Variants in GPR161 observed in about 807,000 individuals in gnomAD.
GPR161 encodes the protein G-protein coupled receptor RE2.
A neutral mutation model predicts 39.2 loss-of-function variants in GPR161; 25 were observed. That is an observed-to-expected ratio of 0.64 (90% CI 0.47 to 0.89). GPR161 has a LOEUF of 0.89. Ranked by LOEUF, GPR161 falls within the 40% of genes least tolerant of loss-of-function variation. The probability of loss-of-function intolerance (pLI) is 0.00; values close to 1 mark genes in which losing one functional copy is unlikely to be tolerated. For missense variants in GPR161, 547 were observed against 677.8 expected, an observed-to-expected ratio of 0.81 and a Z score of 2.14; for synonymous variants, 286 against 276.6, an observed-to-expected ratio of 1.03 and a Z score of -0.34.
In GPR161 at chr1:168,119,208, ATG is replaced by A. The variant is rs1553269043; in HGVS notation, c.-44-14316_-44-14315del. On this transcript the variant is annotated intron_variant, in intron 1 of 5. Transcript: ENST00000682931. ...CCAAATCTCCATCATATATATATAT[ATG>A]TATACATATATATATACGTATATAT... Among the ~76,000 whole-genome samples, 203 of 111,502 alleles carry A rather than the reference ATG, an allele frequency of 1.8e-3. 17 individuals carry two copies. In the South Asian group the frequency reaches 0.02, roughly 11 times the overall value. The allele number at this position is 111,502 out of a possible 152,430, so 73.1% of individuals were successfully genotyped here.
chr1:168,133,373 A>T (rs1699144339), intron 1 of GPR161, among the ~76,000 whole-genome samples: 1 of 152,198 alleles, frequency 6.6e-6, no homozygotes, highest in South Asian at 2.1e-4. Context: ...TCCAGGAACA[A>T]TTTTTACCCA....
At chr1:168,109,910 G>A (rs1330956489) in intron 1 of GPR161, among the ~76,000 whole-genome samples, 1 of 152,136 alleles carries the variant, frequency 6.6e-6, no homozygotes, top group Non-Finnish European at 1.5e-5. Flanking sequence ...AGGTTGCAAT[G>A]AGCCGAGATC....
In GPR161 at chr1:168,085,780, C is replaced by A; in HGVS notation, c.1341G>T (p.Ser447=). The A allele has an allele frequency of 6.2e-7, 1 of 1,611,904 alleles. No individual in the cohort carries two copies. The highest frequency in any genetic ancestry group is 2.2e-5 in the East Asian group (1 of 44,828). ...GTACTTCAGCTTTCACATGAAGAAT[C>A]GAGTTCTTGGCAGCTTCTGAGGGAG... The part of the protein sequence containing the change: ...VEQIKEAAKN[S]ILHVKAEVHK... Residue 447 remains serine, a synonymous_variant, in exon 6 of 6, where the codon TCG becomes TCT. Transcript: ENST00000682931.
At chr1:168,095,487 A>T (rs189018729) in intron 3 of GPR161, among the ~76,000 whole-genome samples, 1 of 152,348 alleles carries the variant, frequency 6.6e-6, no homozygotes, top group Admixed American at 6.5e-5. Flanking sequence ...TTTAACAAAA[A>T]ATCTAACCCC....
upstream of GPR161, chr1:168,137,659 A>T: frequency 1.8e-6 from 1 of 568,430 alleles, no homozygotes; most frequent in Non-Finnish European, 3.1e-6. Context: ...CTCACTCCCC[A>T]CTTTGCCTGC....
At position 168,085,232 on chromosome 1, in the gene GPR161, A is replaced by G. The variant is rs1694365383; in HGVS notation, c.*299T>C. 2.1e-6 allele frequency: 1 copy of G among 469,520 alleles called. No homozygotes were observed. Among genetic ancestry groups the G allele is most frequent in the African/African-American group, 2.0e-5 (1 of 50,638 alleles). The allele number at this position is 469,520 out of a possible 1,614,324, so 29.1% of individuals were successfully genotyped here. On this transcript the variant is annotated 3_prime_UTR_variant, in exon 6 of 6. Transcript: ENST00000682931. ...CTGGTCCTCCCATGCCCCACCTCCC[A>G]AAAAGCCACAGCCACATCTCTAGAT...
At chr1:168,100,885 T>G (rs112983945) in intron 2 of GPR161, among the ~76,000 whole-genome samples, 3 of 152,166 alleles carry the variant, frequency 2.0e-5, no homozygotes, top group Non-Finnish European at 2.9e-5. Context: ...GCAGCGATGA[T>G]AGAGGTGACC....
intron 4 of GPR161, among the ~76,000 whole-genome samples, chr1:168,090,017 C>T (rs1694900443): frequency 6.6e-6 from 1 of 152,208 alleles, no homozygotes; most frequent in South Asian, 2.1e-4. Context: ...GCCAGCTGAC[C>T]TTGCTGGAGG....
chr1:168,136,683 A>C, intron 1 of GPR161, 56 bp downstream of exon 1: 23 of 1,109,328 alleles, frequency 2.1e-5, no homozygotes, highest in African/African-American at 4.9e-5. Flanking sequence ...GCCTGGCTCC[A>C]TCCGGACCGC....
intron 1 of GPR161, among the ~76,000 whole-genome samples, chr1:168,124,619 C>G (rs768721882): frequency 1.3e-5 from 2 of 152,092 alleles, no homozygotes; most frequent in Admixed American, 6.5e-5. Flanking sequence ...CACAGTGAGC[C>G]ATTATTATAT....
chr1:168,105,603 C>G (rs903802668), intron 1 of GPR161, among the ~76,000 whole-genome samples: 1 of 152,166 alleles, frequency 6.6e-6, no homozygotes, highest in Non-Finnish European at 1.5e-5. Context: ...CTGTTCTCAT[C>G]AGACACGGCG....
At chr1:168,134,765 C>T in intron 1 of GPR161, 1 of 686,638 alleles carries the variant, frequency 1.5e-6, no homozygotes, top group Non-Finnish European at 2.6e-6. Context: ...TGGAGCCCCA[C>T]CGCACCTGCA....
In GPR161 at chr1:168,116,324, T is replaced by A. The variant is rs111679568; in HGVS notation, c.-44-11430A>T. Among the ~76,000 whole-genome samples the A allele has an allele frequency of 9.1e-3, 1,381 of 152,238 alleles. 18 individuals are homozygous for A. The highest frequency in any genetic ancestry group is 0.032 in the African/African-American group (1,321 of 41,536). On this transcript the variant is annotated intron_variant, in intron 1 of 5. Transcript: ENST00000682931. ...AGGTACATAAGCTGTTCAAATAAAT[T>A]ATCCTCCAGGTGAGGAAAATTCCTA...
At chr1:168,087,358 T>TGTGTGTGG (rs965265906) in intron 5 of GPR161, among the ~76,000 whole-genome samples, 3 of 151,962 alleles carry the variant, frequency 2.0e-5, no homozygotes, top group African/African-American at 7.3e-5. Flanking sequence ...TGTGTGTGTG[T>TGTGTGTGG]GGAGTTTGAC....
chr1:168,137,459 TA>T (rs1699470808), upstream of GPR161: 1 of 1,448,138 alleles, frequency 6.9e-7, no homozygotes, highest in African/African-American at 1.4e-5. Flanking sequence ...CGGGCTCTGT[TA>T]ATACCACAGT....
At chr1:168,135,605 G>C (rs946480613) in intron 1 of GPR161, among the ~76,000 whole-genome samples, 1 of 152,150 alleles carries the variant, frequency 6.6e-6, no homozygotes, top group Non-Finnish European at 1.5e-5. Flanking sequence ...AGGGAAAACC[G>C]CCTATTCCCC....
At chr1:168,096,133 C>CAAAAA (rs58096092) in intron 3 of GPR161, among the ~76,000 whole-genome samples, 2 of 44,736 alleles carry the variant, frequency 4.5e-5, no homozygotes, top group African/African-American at 8.0e-5. Flanking sequence ...GACCCTGTCT[C>CAAAAA]AAAAAAAAAA....
At chr1:168,111,387 C>T (rs948878380) in intron 1 of GPR161, among the ~76,000 whole-genome samples, 3 of 152,168 alleles carry the variant, frequency 2.0e-5, no homozygotes, top group Non-Finnish European at 4.4e-5. Flanking sequence ...TTCTGGCAGT[C>T]GCCACCTGTA....
At chr1:168,136,052 C>A in intron 1 of GPR161, 1 of 1,247,694 alleles carries the variant, frequency 8.0e-7, no homozygotes, top group East Asian at 3.2e-5. Context: ...CCAAAGGTTG[C>A]ACGGGGGTTA....
Sources: allele counts gnomAD v4.1 joint callset (sites outside exome capture counted in the v4.1 genomes callset), GRCh38; gene constraint gnomAD v4.1.1; transcripts MANE v1.5; gene names NCBI Gene and HGNC (gene_info 2026-07-23, HGNC 2026-07-21).